Variants in SMURF1 observed in about 807,000 individuals in gnomAD.
SMURF1 encodes SMAD specific E3 ubiquitin protein ligase 1, also known as E3 ubiquitin-protein ligase SMURF1.
SMURF1 carries 44 observed loss-of-function variants against 98.0 expected under a neutral mutation model. That is an observed-to-expected ratio of 0.45 (90% CI 0.35 to 0.58). The LOEUF (loss-of-function observed/expected upper bound fraction) is 0.58. SMURF1 is among the 20% of genes least tolerant of loss of function. SMURF1 has a pLI of 0.00. For missense variants in SMURF1, 687 were observed against 938.4 expected (o/e 0.73, Z 3.50); for synonymous variants, 396 against 374.9 (o/e 1.06, Z -0.65).
chr7:99,074,390 T>C (rs1198532708), intron 1 of SMURF1, among the ~76,000 whole-genome samples: 1 of 152,200 alleles, frequency 6.6e-6, no homozygotes, highest in Non-Finnish European at 1.5e-5. Flanking sequence ...TGTCAACTGA[T>C]GTTCTTCAAA....
At chr7:99,041,970 C>G in intron 12 of SMURF1, 148 bp downstream of exon 12, 1 of 668,138 alleles carries the variant, frequency 1.5e-6, no homozygotes, top group East Asian at 2.8e-5. Flanking sequence ...CATCTTAATT[C>G]AGTTTTCACT....
At chr7:99,049,833 G>A (rs994885306) in intron 8 of SMURF1, 124 bp from the exon 9 acceptor site, 4 of 886,938 alleles carry the variant, frequency 4.5e-6, no homozygotes, top group Non-Finnish European at 6.8e-6. Context: ...CTGCTAAGAT[G>A]GACCTTCGTG....
intron 1 of SMURF1, among the ~76,000 whole-genome samples, chr7:99,137,586 G>A (rs970300799): frequency 2.6e-5 from 4 of 152,172 alleles, no homozygotes; most frequent in Admixed American, 2.0e-4. Context: ...GTTGGGCTCC[G>A]GAGCTTAAAA....
chr7:99,050,947 T>C (rs145404526), intron 8 of SMURF1: 1 of 1,549,368 alleles, frequency 6.5e-7, no homozygotes, highest in African/African-American at 1.4e-5. Context: ...GTAGAAGGAA[T>C]TCGTATAGAA....
At chr7:99,083,821 T>C (rs62472978) in intron 1 of SMURF1, among the ~76,000 whole-genome samples, 17,032 of 152,220 alleles carry the variant, frequency 0.11, 1,102 homozygotes, top group African/African-American at 0.16. Context: ...GACATGGAAA[T>C]GTTTACTTTT....
chr7:99,049,091 A>G (rs1463090606), intron 9 of SMURF1: 1 of 135,834 alleles, frequency 7.4e-6, no homozygotes, highest in African/African-American at 2.8e-5. Context: ...ACTCTGTCTC[A>G]AAAAAAAAAA....
intron 12 of SMURF1, 104 bp from the exon 13 acceptor site, chr7:99,040,660 C>G: frequency 9.1e-7 from 1 of 1,092,954 alleles, no homozygotes; most frequent in Non-Finnish European, 1.2e-6. Context: ...CCAGAGGCAA[C>G]CAGACCTACT....
chr7:99,040,696 C>T (rs1325368763), intron 12 of SMURF1, 140 bp from the exon 13 acceptor site: 1 of 721,200 alleles, frequency 1.4e-6, no homozygotes, highest in African/African-American at 1.8e-5. Context: ...AGGCCCCGCT[C>T]CTGAACAAGT....
At position 99,143,684 on chromosome 7, in the gene SMURF1, G is replaced by A. The variant is rs759390304; in HGVS notation, c.55+42C>T. 5 of 1,519,108 alleles carry A rather than the reference G, an allele frequency of 3.3e-6. No homozygotes were observed. The South Asian group carries it at 4.9e-5, about 15-fold the overall frequency. 94.1% of individuals were successfully genotyped at this position (1,519,108 alleles called of 1,614,324 possible). On this transcript the variant is annotated intron_variant, in intron 1 of 17. Transcript: ENST00000361368. ...CCCTGCGGGGAATTCCGGGGCGGGC[G>A]AGGGGGCGCCGGGGCGCGGGTGGGC... is the stretch of plus-strand genomic sequence containing the variant.
intron 1 of SMURF1, among the ~76,000 whole-genome samples, chr7:99,130,345 T>C (rs1049450009): frequency 2.6e-5 from 4 of 152,142 alleles, no homozygotes; most frequent in Admixed American, 6.5e-5. Context: ...TCCAGCTACT[T>C]GGGAGGCTGA....
chr7:99,047,857 T>C lies in SMURF1; in HGVS notation c.979A>G (p.Ser327Gly), dbSNP rs745550862. 6.2e-6 allele frequency: 10 copies of C among 1,613,974 alleles called. No homozygotes were observed. The African/African-American group carries it at 1.2e-4, about 19-fold the overall frequency. Residue 327 changes from serine to glycine, a missense_variant, in exon 10 of 18, where the codon AGC (serine) becomes GGC (glycine). Transcript: ENST00000361368. ...TCACTGGGCAGTGGCAGCGGCTGGC[T>C]GGGCTCCTTGAGTTGGCACTGGTGA... ...MNHQCQLKEPSQPLPLPSEGS... is the reference protein window; with the variant it reads ...MNHQCQLKEPGQPLPLPSEGS...
chr7:99,091,788 C>A (rs1796818949), intron 1 of SMURF1, among the ~76,000 whole-genome samples: 2 of 152,282 alleles, frequency 1.3e-5, no homozygotes, highest in South Asian at 4.1e-4. Flanking sequence ...GCAAGTCTAA[C>A]CTTCCCCACA....
intron 1 of SMURF1, among the ~76,000 whole-genome samples, chr7:99,123,263 C>T (rs1797681410): frequency 1.3e-5 from 2 of 152,160 alleles, no homozygotes; most frequent in Non-Finnish European, 1.5e-5. Flanking sequence ...ATGGCCAGGG[C>T]GTGGTGGCTT....
At chr7:99,134,754 G>A (rs1190821453) in intron 1 of SMURF1, among the ~76,000 whole-genome samples, 1 of 152,050 alleles carries the variant, frequency 6.6e-6, no homozygotes, top group Non-Finnish European at 1.5e-5. Flanking sequence ...TATAAAAATA[G>A]GTCAGAGATA....
rs2150490971 is a variant in SMURF1 at position 99,033,086 on chromosome 7, T to C, written c.2047A>G (p.Ile683Val). ...TGAAGPRLFT[I>V]HLIDANTDNL... ...TCTGTGTTCGCGTCTATCAGGTGGA[T>C]GGTGAACAGCCGGGGCCCTGCCGCG... The change falls in exon 17 of 18, where the codon ATC (isoleucine) becomes GTC (valine). Residue 683 changes from isoleucine (I) to valine (V), a missense_variant. Around this residue, in one of 2 missense-constraint regions of SMURF1, gnomAD observed 272 missense variants for 430.0 expected, o/e 0.63. Transcript: ENST00000361368. 6.3e-7 allele frequency: 1 copy of C among 1,591,088 alleles called. No individual in the cohort carries two copies. Among genetic ancestry groups the C allele is most frequent in the Non-Finnish European group, 8.6e-7 (1 of 1,168,046 alleles).
At chr7:99,030,744 G>C in intron 17 of SMURF1, 61 bp from the exon 18 acceptor site, 2 of 1,324,292 alleles carry the variant, frequency 1.5e-6, no homozygotes, top group Non-Finnish European at 2.2e-6. Flanking sequence ...CAACCTCAAG[G>C]CCAAGGACAG....
At chr7:99,074,270 A>ATTATATAC (rs1297927137) in intron 1 of SMURF1, among the ~76,000 whole-genome samples, 1 of 152,236 alleles carries the variant, frequency 6.6e-6, no homozygotes, top group African/African-American at 2.4e-5. Flanking sequence ...CTGGATGCTA[A>ATTATATAC]TTATATACAT....
At chr7:99,102,809 A>G (rs1797114968) in intron 1 of SMURF1, among the ~76,000 whole-genome samples, 1 of 152,022 alleles carries the variant, frequency 6.6e-6, no homozygotes, top group Non-Finnish European at 1.5e-5. Flanking sequence ...AAATCTTACA[A>G]CTGCATTTTT....
At position 99,054,949 on chromosome 7, in the gene SMURF1, T is replaced by G; in HGVS notation, c.404-84A>C. ...CAGTGAGTCATTGCTAATTTAGAAT[T>G]TATGTACAATATCATAAAAAACGAG... On this transcript the variant is annotated intron_variant, in intron 5 of 17. Coordinates refer to ENST00000361368, the MANE Select transcript of SMURF1 (RefSeq NM_181349.3). 3.2e-6 allele frequency: 4 copies of G among 1,232,810 alleles called. No individual in the cohort carries two copies. The South Asian group carries it at 4.8e-5, about 15-fold the overall frequency. The allele number at this position is 1,232,810 out of a possible 1,614,324, so 76.4% of individuals were successfully genotyped here.
Sources: allele counts gnomAD v4.1 joint callset (sites outside exome capture counted in the v4.1 genomes callset), GRCh38; gene constraint gnomAD v4.1.1; regional missense constraint gnomAD v4.1.1; transcripts MANE v1.5; gene names NCBI Gene and HGNC (gene_info 2026-07-23, HGNC 2026-07-21).